Variants in CHN2 observed in about 807,000 individuals in gnomAD.
CHN2 encodes the protein chimerin 2, also known as beta-chimaerin.
CHN2 carries 35 observed loss-of-function variants against 56.3 expected under a neutral mutation model. The ratio of observed to expected loss-of-function variants is 0.62; its 90% CI spans 0.47 to 0.82. The LOEUF (loss-of-function observed/expected upper bound fraction) is 0.82. Ranked by LOEUF, CHN2 falls within the 40% of genes least tolerant of loss-of-function variation. The probability of loss-of-function intolerance (pLI) is 0.00; values close to 1 mark genes in which losing one functional copy is unlikely to be tolerated. For synonymous variants in CHN2, 210 were observed against 212.8 expected, an observed-to-expected ratio of 0.99 and a Z score of 0.12; for missense variants, 491 against 580.5, an observed-to-expected ratio of 0.85 and a Z score of 1.58.
chr7:29,358,080 A>G (rs576886102), intron 2 of CHN2, among the ~76,000 whole-genome samples: 16 of 152,346 alleles, frequency 1.1e-4, no homozygotes, highest in African/African-American at 3.6e-4. Context: ...TTGCCATAGC[A>G]TAGGACTTGG....
chr7:29,418,614 C>A (rs1052706816), intron 6 of CHN2, among the ~76,000 whole-genome samples: 1 of 152,190 alleles, frequency 6.6e-6, no homozygotes, highest in Non-Finnish European at 1.5e-5. Flanking sequence ...AAAGCATACA[C>A]CCCGTTGAGT....
At chr7:29,231,281 CA>C (rs1786685339) in intron 1 of CHN2, among the ~76,000 whole-genome samples, 1 of 152,132 alleles carries the variant, frequency 6.6e-6, no homozygotes, top group Non-Finnish European at 1.5e-5. Flanking sequence ...GCAGCCACAG[CA>C]AACAGGTTAT....
intron 1 of CHN2, among the ~76,000 whole-genome samples, chr7:29,242,476 A>G (rs1227890337): frequency 6.6e-6 from 1 of 152,124 alleles, no homozygotes. Flanking sequence ...CCTTCAGCCA[A>G]TGGCAGCATC....
chr7:29,342,795 T>C (rs1043139707), intron 1 of CHN2, among the ~76,000 whole-genome samples: 22 of 152,262 alleles, frequency 1.4e-4, no homozygotes, highest in Admixed American at 2.6e-4. Context: ...CTCCGCTTTC[T>C]ACCTTGTGTT....
intron 1 of CHN2, among the ~76,000 whole-genome samples, chr7:29,223,426 C>G (rs933378501): frequency 6.6e-6 from 1 of 152,110 alleles, no homozygotes; most frequent in Non-Finnish European, 1.5e-5. Context: ...CTAATTATCA[C>G]CACTCCCCAT....
At chr7:29,401,557 G>A (rs920244114) in intron 6 of CHN2, among the ~76,000 whole-genome samples, 1 of 152,184 alleles carries the variant, frequency 6.6e-6, no homozygotes, top group Non-Finnish European at 1.5e-5. Flanking sequence ...GACTGCCCAT[G>A]ATCCACAGGT....
At chr7:29,252,595 T>TG (rs1562866616) in intron 1 of CHN2, among the ~76,000 whole-genome samples, 4 of 43,564 alleles carry the variant, frequency 9.2e-5, no homozygotes, top group African/African-American at 1.7e-4. Flanking sequence ...TTTTTTTTTT[T>TG]TTTTTTTTTT....
In CHN2 at chr7:29,178,185, C is replaced by T. The variant is rs193000937; in HGVS notation, c.274+31225C>T. On this transcript the variant is annotated intron_variant, in intron 2 of 6. Coordinates refer to the CHN2 transcript ENST00000439384. ...AACCACTGGAATAGTCACATAGCCA[C>T]CGTGCACCCTGCTCTTCTTACTATC... Among the ~76,000 whole-genome samples, 85 of 152,332 alleles carry T rather than the reference C, an allele frequency of 5.6e-4. No individual in the cohort carries two copies. In the East Asian group the frequency reaches 0.012, roughly 21 times the overall value.
At chr7:29,401,105 A>C in intron 6 of CHN2, 2 of 339,746 alleles carry the variant, frequency 5.9e-6, no homozygotes, top group East Asian at 1.2e-4. Flanking sequence ...CGTCTCTACA[A>C]AAAATACAAA....
intron 6 of CHN2, 118 bp from the exon 7 acceptor site, chr7:29,480,161 T>C (rs1787006067): frequency 6.3e-7 from 1 of 1,591,350 alleles, no homozygotes; most frequent in Non-Finnish European, 8.6e-7. Context: ...GTGCTGTGGT[T>C]CGGAAGTCTA....
intron 2 of CHN2, among the ~76,000 whole-genome samples, chr7:29,150,451 A>T (rs1186626183): frequency 6.6e-6 from 1 of 152,216 alleles, no homozygotes; most frequent in Non-Finnish European, 1.5e-5. Flanking sequence ...ATCCAAGACA[A>T]CTAAATTGTA....
At chr7:29,425,926 G>A (rs1804814425) in intron 6 of CHN2, among the ~76,000 whole-genome samples, 1 of 151,992 alleles carries the variant, frequency 6.6e-6, no homozygotes, top group South Asian at 2.1e-4. Flanking sequence ...AGAGTGGACT[G>A]TGGGCCGGGT....
intron 1 of CHN2, among the ~76,000 whole-genome samples, chr7:29,211,943 C>T (rs938251164): frequency 7.2e-5 from 11 of 152,088 alleles, no homozygotes; most frequent in African/African-American, 2.7e-4. Context: ...AAAACTATAA[C>T]GAACCTCTTA....
rs374654158 is a variant in CHN2 at position 29,512,608 on chromosome 7, T to C, written c.1280T>C (p.Leu427Pro). Residue 427 changes from leucine to proline, a missense_variant, in exon 13 of 13, where the codon CTG becomes CCG. Leu to Pro is a moderately conservative substitution (Grantham distance 98). Coordinates refer to ENST00000222792, the MANE Select transcript of CHN2 (RefSeq NM_004067.4). ...EKDNFMNAEN[L>P]GIVFGPTLMR... ...GACAATTTCATGAATGCAGAAAATC[T>C]GGGGATCGTGTTTGGGCCCACTCTG... The C allele has an allele frequency of 6.2e-7, 1 of 1,613,380 alleles. No homozygotes were observed. Among genetic ancestry groups the C allele is most frequent in the South Asian group, 1.1e-5 (1 of 90,850 alleles).
chr7:29,334,576 A>T (rs1796470926), intron 1 of CHN2: 1 of 152,150 alleles, frequency 6.6e-6, no homozygotes, highest in Non-Finnish European at 1.5e-5. Flanking sequence ...GCAACATGGT[A>T]AGACCCCATC....
intron 6 of CHN2, among the ~76,000 whole-genome samples, chr7:29,474,440 T>C (rs944241226): frequency 6.6e-5 from 10 of 152,194 alleles, no homozygotes; most frequent in African/African-American, 2.2e-4. Flanking sequence ...CATGAACTTT[T>C]CCCGGCTTTT....
At chr7:29,276,823 A>T (rs568701236) in intron 1 of CHN2, among the ~76,000 whole-genome samples, 1 of 152,316 alleles carries the variant, frequency 6.6e-6, no homozygotes, top group Admixed American at 6.5e-5. Flanking sequence ...CCCCACAGGT[A>T]GAGGACTGGT....
chr7:29,153,112 T>C (rs1213987711), intron 2 of CHN2, among the ~76,000 whole-genome samples: 1 of 152,216 alleles, frequency 6.6e-6, no homozygotes, highest in Non-Finnish European at 1.5e-5. Context: ...TAAACTCAAA[T>C]TGATTATCTA....
At chr7:29,478,084 T>C (rs77234820) in intron 6 of CHN2, among the ~76,000 whole-genome samples, 4,494 of 152,248 alleles carry the variant, frequency 0.03, 162 homozygotes, top group African/African-American at 0.08. Flanking sequence ...TAAAACACTA[T>C]GGGATTTCAG....
Sources: allele counts gnomAD v4.1 joint callset (sites outside exome capture counted in the v4.1 genomes callset), GRCh38; gene constraint gnomAD v4.1.1; transcripts MANE v1.5; gene names NCBI Gene and HGNC (gene_info 2026-07-23, HGNC 2026-07-21).